PTPRN2: variants seen among roughly 807,000 people sequenced by gnomAD.
PTPRN2 encodes protein tyrosine phosphatase receptor type N2, also known as receptor-type tyrosine-protein phosphatase N2.
In PTPRN2, 74 loss-of-function variants were observed where a neutral mutation model predicts 118.8. The observed-to-expected ratio is 0.62, with a 90% CI of 0.52 to 0.76. The LOEUF is 0.76. Ranked by LOEUF, PTPRN2 falls within the 30% of genes least tolerant of loss-of-function variation. The pLI, the probability that PTPRN2 is intolerant of heterozygous loss-of-function variation, is 0.00. For missense variants in PTPRN2, 1,481 were observed against 1,394.4 expected (o/e 1.06, Z -0.99); for synonymous variants, 641 against 608.0 (o/e 1.05, Z -0.80).
At chr7:158,519,368 C>T (rs1230555778) in intron 1 of PTPRN2, among the ~76,000 whole-genome samples, 2 of 152,042 alleles carry the variant, frequency 1.3e-5, no homozygotes, top group Admixed American at 6.6e-5. Flanking sequence ...TTTTTCATAC[C>T]GAGAACAGAA....
intron 11 of PTPRN2, among the ~76,000 whole-genome samples, chr7:158,061,996 G>GA (rs1301206107): frequency 6.6e-6 from 1 of 152,272 alleles, no homozygotes; most frequent in African/African-American, 2.4e-5. Context: ...AGCTGGGCAT[G>GA]AGCACGGCCA....
chr7:157,811,402 A>C (rs1242548051), intron 12 of PTPRN2, among the ~76,000 whole-genome samples: 1 of 149,826 alleles, frequency 6.7e-6, no homozygotes. Context: ...CTTCACCCCA[A>C]ATCTCCACGT....
At chr7:158,044,561 G>T (rs1163150877) in intron 11 of PTPRN2, among the ~76,000 whole-genome samples, 1 of 152,084 alleles carries the variant, frequency 6.6e-6, no homozygotes, top group Non-Finnish European at 1.5e-5. Flanking sequence ...CTCTCAGGCA[G>T]GCACAGAGAG....
intron 12 of PTPRN2, among the ~76,000 whole-genome samples, chr7:157,880,372 A>G (rs1346969931): frequency 6.6e-6 from 1 of 152,250 alleles, no homozygotes; most frequent in Non-Finnish European, 1.5e-5. Flanking sequence ...AGGAAAAGAC[A>G]ACACTGCCAA....
intron 3 of PTPRN2, among the ~76,000 whole-genome samples, chr7:158,282,929 A>G (rs1182184063): frequency 6.7e-6 from 1 of 148,384 alleles, no homozygotes; most frequent in Non-Finnish European, 1.5e-5. Context: ...AGCGGGATAT[A>G]GACGGTGGTC....
intron 17 of PTPRN2, among the ~76,000 whole-genome samples, chr7:157,592,527 G>A (rs1028320986): frequency 1.3e-5 from 2 of 151,974 alleles, no homozygotes; most frequent in African/African-American, 4.8e-5. Context: ...CGTGGTCGTT[G>A]AGTGTGGACG....
At chr7:157,693,293 G>A (rs1797607552) in intron 12 of PTPRN2, among the ~76,000 whole-genome samples, 1 of 152,048 alleles carries the variant, frequency 6.6e-6, no homozygotes, top group Admixed American at 6.5e-5. Context: ...GTGTTCCCGG[G>A]ACTCCCCGCG....
intron 2 of PTPRN2, among the ~76,000 whole-genome samples, chr7:158,481,731 G>T (rs1820656031): frequency 6.6e-6 from 1 of 152,124 alleles, no homozygotes; most frequent in Non-Finnish European, 1.5e-5. Context: ...CAAAGTGCTG[G>T]GATTACAGAC....
chr7:158,036,671 G>A (rs979099004), intron 11 of PTPRN2, among the ~76,000 whole-genome samples: 1 of 152,142 alleles, frequency 6.6e-6, no homozygotes, highest in Non-Finnish European at 1.5e-5. Context: ...AAAAAGTCCA[G>A]TAATATCTTA....
chr7:158,194,841 C>T (rs551399436), intron 4 of PTPRN2, among the ~76,000 whole-genome samples: 7 of 152,350 alleles, frequency 4.6e-5, no homozygotes, highest in African/African-American at 1.7e-4. Flanking sequence ...CTCCAAGGGA[C>T]ATCACACCAC....
chr7:157,708,894 A>C (rs1397718881), intron 12 of PTPRN2, among the ~76,000 whole-genome samples: 2 of 152,222 alleles, frequency 1.3e-5, no homozygotes, highest in Admixed American at 1.3e-4. Flanking sequence ...GAAAGCCACC[A>C]GTGAGAGCTG....
intron 12 of PTPRN2, among the ~76,000 whole-genome samples, chr7:157,793,604 C>T (rs890526630): frequency 7.9e-5 from 12 of 152,198 alleles, no homozygotes; most frequent in Non-Finnish European, 7.4e-5. Flanking sequence ...CACATGCTCG[C>T]CCTCCGGCTG....
intron 11 of PTPRN2, among the ~76,000 whole-genome samples, chr7:157,980,213 T>C (rs192949779): frequency 2.0e-5 from 3 of 152,356 alleles, no homozygotes; most frequent in Admixed American, 6.5e-5. Context: ...ATTCATTTTA[T>C]GCAGGCTGAG....
intron 1 of PTPRN2, among the ~76,000 whole-genome samples, chr7:158,538,439 C>T (rs73729683): frequency 0.029 from 4,448 of 152,324 alleles, 229 homozygotes; most frequent in African/African-American, 0.1. Flanking sequence ...CTGCTTCTGT[C>T]CCTGTTACCA....
chr7:158,131,041 CACGT>C (rs1308165121), intron 9 of PTPRN2, among the ~76,000 whole-genome samples: 6 of 116,210 alleles, frequency 5.2e-5, no homozygotes, highest in Admixed American at 4.1e-4. Flanking sequence ...CTTATACACA[CACGT>C]ACATACAGAC....
At chr7:158,541,050 C>G (rs75332066) in intron 1 of PTPRN2, among the ~76,000 whole-genome samples, 2,338 of 152,316 alleles carry the variant, frequency 0.015, 68 homozygotes, top group African/African-American at 0.052. Flanking sequence ...CAGGGCTGCA[C>G]AGGTGCTAAT....
chr7:158,151,959 G>A (rs1021840757), intron 6 of PTPRN2, among the ~76,000 whole-genome samples: 1 of 151,966 alleles, frequency 6.6e-6, no homozygotes, highest in Non-Finnish European at 1.5e-5. Flanking sequence ...GGATCACAAG[G>A]TCAGGAGATC....
chr7:158,341,634 A>AACGTCACT, intron 2 of PTPRN2, among the ~76,000 whole-genome samples: 1 of 42,414 alleles, frequency 2.4e-5, no homozygotes, highest in African/African-American at 1.2e-4. Flanking sequence ...ATAAGAGGTA[A>AACGTCACT]CACATGCAGA....
chr7:158,483,078 C>T (rs191072593), intron 2 of PTPRN2, among the ~76,000 whole-genome samples: 78 of 152,324 alleles, frequency 5.1e-4, no homozygotes, highest in African/African-American at 1.8e-3. Flanking sequence ...TCAGAGCACG[C>T]CCTTTGCCCT....
Sources: allele counts gnomAD v4.1 joint callset (sites outside exome capture counted in the v4.1 genomes callset), GRCh38; gene constraint gnomAD v4.1.1; transcripts MANE v1.5; gene names NCBI Gene and HGNC (gene_info 2026-07-23, HGNC 2026-07-21).